CPD: variants seen among roughly 807,000 people sequenced by gnomAD.
The protein encoded by CPD is metallocarboxypeptidase D.
In CPD, 69 loss-of-function variants were observed where a neutral mutation model predicts 138.3. The observed-to-expected ratio is 0.50, with a 90% CI of 0.41 to 0.61. CPD has a LOEUF of 0.61. CPD is among the 20% of genes least tolerant of loss of function. The pLI is 0.00. For missense variants in CPD, 1,432 were observed against 1,733.3 expected (o/e 0.83, Z 3.09); for synonymous variants, 651 against 642.1 (o/e 1.01, Z -0.21).
chr17:30,381,147 AT>A (rs1021355610), intron 1 of CPD, among the ~76,000 whole-genome samples: 3 of 151,270 alleles, frequency 2.0e-5, no homozygotes, highest in Non-Finnish European at 4.4e-5. Flanking sequence ...TTCTGGGAGG[AT>A]TTTTTTTTCT....
intron 7 of CPD, among the ~76,000 whole-genome samples, chr17:30,427,933 GTTC>G (rs950518289): frequency 2.1e-5 from 3 of 141,078 alleles, no homozygotes; most frequent in African/African-American, 8.0e-5. Context: ...CCCCTACTCT[GTTC>G]TTCCTCCTCC....
chr17:30,457,148 C>T (rs555751463), intron 17 of CPD, among the ~76,000 whole-genome samples: 10 of 152,312 alleles, frequency 6.6e-5, no homozygotes, highest in South Asian at 4.1e-4. Flanking sequence ...CCCTCTCCCA[C>T]GGCTCCTGGA....
At chr17:30,456,552 ATGGAGT>A (rs780163336) in intron 17 of CPD, 26 bp downstream of exon 17, 3 of 1,607,544 alleles carry the variant, frequency 1.9e-6, no homozygotes, top group Non-Finnish European at 2.6e-6. Context: ...CATGGTTAGA[ATGGAGT>A]TATGGCCAGG....
chr17:30,461,716 G>A lies in CPD; in HGVS notation c.3631-161G>A, dbSNP rs186474204. Among the ~76,000 whole-genome samples, 230 of 152,282 alleles carry A rather than the reference G, an allele frequency of 1.5e-3. 1 individual carries two copies. The highest frequency in any genetic ancestry group is 5.4e-3 in the African/African-American group (224 of 41,562). ...AGCAAACAAGGTCAGAGTCAGTGGG[G>A]AGGGAAGAGAAGAAGCAGGCCATAC... On this transcript the variant is annotated intron_variant, in intron 18 of 20. Transcript: ENST00000225719.
In CPD at chr17:30,469,339, C is replaced by T. The variant is rs375976497; in HGVS notation, c.*4525C>T. On this transcript the variant is annotated 3_prime_UTR_variant, in exon 21 of 21. Transcript: ENST00000225719. Reference sequence around the variant, plus strand: ...TTGGACCAATCTGTGACTGATTCTTCGTTCTGCTACTTGCTTCCAATGTGA... The same window carrying T: ...TTGGACCAATCTGTGACTGATTCTTTGTTCTGCTACTTGCTTCCAATGTGA... The T allele has an allele frequency of 5.3e-5, 8 of 152,332 alleles. No homozygotes were observed. Among genetic ancestry groups the T allele is most frequent in the Admixed American group, 2.0e-4 (3 of 15,294 alleles). The allele number at this position is 152,332 out of a possible 1,614,324, so 9.4% of individuals were successfully genotyped here.
At chr17:30,447,510 T>TC (rs1201961396) in intron 12 of CPD, 1 of 152,254 alleles carries the variant, frequency 6.6e-6, no homozygotes, top group African/African-American at 2.4e-5. Flanking sequence ...TAAAACCCTT[T>TC]CCATCACTCA....
intron 14 of CPD, 24 bp from the exon 15 acceptor site, chr17:30,455,315 A>T: frequency 8.9e-6 from 14 of 1,575,950 alleles, no homozygotes; most frequent in African/African-American, 1.4e-5. Context: ...TTGATATTTT[A>T]TATTTGACTT....
chr17:30,420,888 A>G lies in CPD; in HGVS notation c.1042A>G (p.Thr348Ala), dbSNP rs781771942. Residue 348 changes from threonine to alanine, a missense_variant, in exon 3 of 21, where the codon ACA becomes GCA. Thr to Ala is a moderately conservative substitution (Grantham distance 58). Transcript: ENST00000225719. ...TGTGTGGGCCAACTGTTTTGAGATC[A>G]CATTAGAACTGTCTTGTTGCAAGTA... is the stretch of plus-strand genomic sequence containing the variant. ...NYVWANCFEI[T>A]LELSCCKYPP... 123 of 1,612,610 alleles carry G rather than the reference A, an allele frequency of 7.6e-5. No individual in the cohort carries two copies. The highest frequency in any genetic ancestry group is 3.4e-6 in the Non-Finnish European group (4 of 1,179,200).
intron 1 of CPD, among the ~76,000 whole-genome samples, chr17:30,381,701 A>G (rs983211988): frequency 2.6e-5 from 4 of 152,234 alleles, no homozygotes; most frequent in African/African-American, 7.2e-5. Flanking sequence ...TATAGTGTCA[A>G]CTTTATGGAT....
intron 2 of CPD, among the ~76,000 whole-genome samples, chr17:30,389,226 C>T (rs1208668684): frequency 6.6e-6 from 1 of 152,196 alleles, no homozygotes; most frequent in Non-Finnish European, 1.5e-5. Flanking sequence ...ACCTTCCGGC[C>T]TGCTGCTGCT....
chr17:30,407,045 A>G (rs368085547), intron 2 of CPD, among the ~76,000 whole-genome samples: 23 of 152,216 alleles, frequency 1.5e-4, no homozygotes, highest in African/African-American at 5.1e-4. Flanking sequence ...ATTCCCACCT[A>G]TGAGTGAGAA....
At chr17:30,419,186 T>C (rs1361008769) in intron 2 of CPD, among the ~76,000 whole-genome samples, 2 of 152,236 alleles carry the variant, frequency 1.3e-5, no homozygotes, top group African/African-American at 4.8e-5. Context: ...TATTGTTTGC[T>C]TTTCTTCAAT....
intron 6 of CPD, 82 bp from the exon 7 acceptor site, chr17:30,427,309 T>A: frequency 7.7e-7 from 1 of 1,291,260 alleles, no homozygotes; most frequent in Non-Finnish European, 1.1e-6. Flanking sequence ...TTGCCTTGAG[T>A]TAAGGTATCT....
chr17:30,379,118 G>C lies in CPD; in HGVS notation c.138G>C (p.Ala46=). The C allele has an allele frequency of 6.5e-7, 1 of 1,543,148 alleles. No homozygotes were observed. The highest frequency in any genetic ancestry group is 8.7e-7 in the Non-Finnish European group (1 of 1,149,004). ...KAEATTTTTS[A]GAEAAEGQFD... is the part of the protein sequence containing the mutation. ...AGGCGACTACCACAACTACGAGCGC[G>C]GGCGCCGAGGCGGCCGAGGGCCAGT... The change falls in exon 1 of 21, where the codon GCG becomes GCC. Residue 46 remains alanine (A), a synonymous_variant. Coordinates refer to ENST00000225719, the MANE Select transcript of CPD (RefSeq NM_001304.5). This position sits in a 1 kb window ranked among gnomAD's most constrained non-coding sequence, Gnocchi z 7.0.
chr17:30,388,057 C>G (rs1911241239), intron 2 of CPD, among the ~76,000 whole-genome samples: 1 of 152,208 alleles, frequency 6.6e-6, no homozygotes, highest in Admixed American at 6.5e-5. Flanking sequence ...GGCAGGTCAT[C>G]CTGATGAGTG....
rs759015395 is a variant in CPD at position 30,465,272 on chromosome 17, A to G, written c.*458A>G. The G allele has an allele frequency of 6.3e-6, 1 of 159,416 alleles. No individual in the cohort carries two copies. The highest frequency in any genetic ancestry group is 1.4e-5 in the Non-Finnish European group (1 of 72,412). 9.9% of individuals were successfully genotyped at this position (159,416 alleles called of 1,614,324 possible). A position where few individuals can be genotyped will look rare whatever the true frequency, so the allele number is the denominator to read the frequency against. On this transcript the variant is annotated 3_prime_UTR_variant, in exon 21 of 21. Coordinates refer to ENST00000225719, the MANE Select transcript of CPD (RefSeq NM_001304.5). The stretch of plus-strand genomic sequence containing the variant: ...AGGTTTTTTCAACCTACTGAGGAGT[A>G]CTTTTCTCTAGTTGTTAAATAGCTG...
At position 30,468,517 on chromosome 17, in the gene CPD, C is replaced by G. The variant is rs1487491637; in HGVS notation, c.*3703C>G. ...TTCAGTCTTTGGTTTATTTCATGCACTGTGCCTTCAAAATGAAATTTTTAA... is the reference window on the plus strand; with the variant it reads ...TTCAGTCTTTGGTTTATTTCATGCAGTGTGCCTTCAAAATGAAATTTTTAA... On this transcript the variant is annotated 3_prime_UTR_variant, in exon 21 of 21. Coordinates refer to ENST00000225719, the MANE Select transcript of CPD (RefSeq NM_001304.5). 1 of 152,548 alleles carries G rather than the reference C, an allele frequency of 6.6e-6. No homozygotes were observed. Among genetic ancestry groups the G allele is most frequent in the Admixed American group, 6.6e-5 (1 of 15,262 alleles). 9.4% of individuals were successfully genotyped at this position (152,548 alleles called of 1,614,324 possible). A position where few individuals can be genotyped will look rare whatever the true frequency, so the allele number is the denominator to read the frequency against.
intron 1 of CPD, among the ~76,000 whole-genome samples, chr17:30,382,418 A>G (rs778698178): frequency 2.0e-5 from 3 of 152,228 alleles, no homozygotes; most frequent in Non-Finnish European, 2.9e-5. Flanking sequence ...CAGAGAATTG[A>G]TTTGAATGGA....
intron 2 of CPD, among the ~76,000 whole-genome samples, chr17:30,397,187 T>A (rs762405367): frequency 6.6e-5 from 10 of 152,210 alleles, no homozygotes; most frequent in Admixed American, 2.0e-4. Context: ...TTTACCAAAA[T>A]TTGTAAAAAA....
Sources: allele counts gnomAD v4.1 joint callset (sites outside exome capture counted in the v4.1 genomes callset), GRCh38; gene constraint gnomAD v4.1.1; non-coding constraint Gnocchi (gnomAD v3.1); transcripts MANE v1.5; gene names NCBI Gene and HGNC (gene_info 2026-07-23, HGNC 2026-07-21).